Variants in PDZD2 observed in about 807,000 individuals in gnomAD.
PDZD2 encodes the protein PDZ domain-containing protein 2.
PDZD2 carries 90 observed loss-of-function variants against 220.7 expected under a neutral mutation model. The observed-to-expected ratio is 0.41, with a 90% CI of 0.34 to 0.49. PDZD2 has a LOEUF of 0.49. Among genes scored for constraint, PDZD2 ranks in the 20% least tolerant of loss-of-function variants. PDZD2 has a pLI of 0.28. For synonymous variants in PDZD2, 1,375 were observed against 1,450.5 expected (o/e 0.95, Z 1.18); for missense variants, 3,174 against 3,608.5 (o/e 0.88, Z 3.08).
rs1438912745 is a variant in PDZD2 at position 32,098,456 on chromosome 5, T to C, written c.8040T>C (p.Ala2680=). The C allele has an allele frequency of 6.2e-7, 1 of 1,614,214 alleles. No individual in the cohort carries two copies. The highest frequency in any genetic ancestry group is 1.7e-5 in the Admixed American group (1 of 60,024). Reference sequence around the variant, plus strand: ...TGTCAGTCAACGGCGCCTCACTGGCTGGCTTAGCCCACGGGAATGTCCTGA... The same window carrying C: ...TGTCAGTCAACGGCGCCTCACTGGCCGGCTTAGCCCACGGGAATGTCCTGA... The part of the protein sequence containing the change: ...FLLSVNGASL[A]GLAHGNVLKV... The change falls in exon 23 of 25, where the codon GCT becomes GCC. Residue 2680 remains alanine (A), a synonymous_variant. Coordinates refer to ENST00000438447, the MANE Select transcript of PDZD2 (RefSeq NM_178140.4). This position sits in a 1 kb window ranked among gnomAD's most constrained non-coding sequence, Gnocchi z 4.1.
At chr5:31,663,941 A>G (rs1331398463) in intron 1 of PDZD2, among the ~76,000 whole-genome samples, 1 of 152,108 alleles carries the variant, frequency 6.6e-6, no homozygotes, top group Non-Finnish European at 1.5e-5. Flanking sequence ...ATGGCAAAGT[A>G]AGAAGATTAC....
At chr5:32,027,016 C>A (rs542341321) in intron 6 of PDZD2, among the ~76,000 whole-genome samples, 14 of 152,218 alleles carry the variant, frequency 9.2e-5, no homozygotes, top group Non-Finnish European at 2.1e-4. Context: ...AATTCTCCTG[C>A]CTCAGCCTCC....
chr5:32,000,153 C>T lies in PDZD2; in HGVS notation c.1136C>T (p.Ser379Phe). Reference sequence around the variant, plus strand: ...CCTTTCCTCAGGGATGGCAGGCTGTCCTTAGGAGATGAGCTGCTGGTAATC... The same window carrying T: ...CCTTTCCTCAGGGATGGCAGGCTGTTCTTAGGAGATGAGCTGCTGGTAATC... ...GGAAHRDGRL[S>F]LGDELLVING... Residue 379 changes from serine to phenylalanine, a missense_variant, in exon 5 of 25, where the codon TCC becomes TTC. Transcript: ENST00000438447. The surrounding 1 kb of genome is among the most constrained non-coding windows in gnomAD (Gnocchi z 4.5). 6.2e-7 allele frequency: 1 copy of T among 1,614,058 alleles called. No individual in the cohort carries two copies. Among genetic ancestry groups the T allele is most frequent in the South Asian group, 1.1e-5 (1 of 91,074 alleles).
Position 31,958,697 on chromosome 5 carries a change from TGCA to T in PDZD2, c.477-24455_477-24453del, listed in dbSNP as rs1561190852. ...GAGCAGTGGTGCAATCACAGCTCAC[TGCA>T]GCCTCGACCTCCTAGGCTCAAGCAA... On this transcript the variant is annotated intron_variant, in intron 2 of 24. Transcript: ENST00000438447. 2.6e-5 allele frequency among the ~76,000 whole-genome samples: 4 copies of T among 152,266 alleles called. No homozygotes were observed. The South Asian group carries it at 8.3e-4, about 32-fold the overall frequency.
intron 3 of PDZD2, among the ~76,000 whole-genome samples, chr5:31,993,116 G>A (rs2052852): frequency 2.0e-5 from 3 of 151,946 alleles, no homozygotes; most frequent in South Asian, 2.1e-4. Flanking sequence ...GAGAGACTTC[G>A]AAGGCCAGGG....
intron 1 of PDZD2, among the ~76,000 whole-genome samples, chr5:31,734,700 T>G (rs943987737): frequency 2.6e-5 from 4 of 152,090 alleles, no homozygotes; most frequent in African/African-American, 9.7e-5. Context: ...AACTCCAGCT[T>G]CAGCCCCTCT....
intron 1 of PDZD2, among the ~76,000 whole-genome samples, chr5:31,669,537 G>A (rs559808098): frequency 2.7e-4 from 41 of 152,102 alleles, no homozygotes; most frequent in Non-Finnish European, 4.4e-4. Context: ...TTTCCTGGGA[G>A]TTATTTCATC....
chr5:31,826,256 T>A (rs1287079081), intron 2 of PDZD2, among the ~76,000 whole-genome samples: 2 of 152,138 alleles, frequency 1.3e-5, no homozygotes, highest in Non-Finnish European at 2.9e-5. Flanking sequence ...GAAGTTTTTG[T>A]TCTCTACCTT....
intron 2 of PDZD2, among the ~76,000 whole-genome samples, chr5:31,926,609 C>T (rs1276962625): frequency 2.0e-5 from 3 of 149,404 alleles, no homozygotes; most frequent in South Asian, 2.1e-4. Context: ...AATGCTTATA[C>T]ACTGTTGGTG....
intron 2 of PDZD2, among the ~76,000 whole-genome samples, chr5:31,825,277 T>C (rs1756143014): frequency 1.3e-5 from 2 of 152,078 alleles, no homozygotes; most frequent in Non-Finnish European, 2.9e-5. Context: ...CGTACTACAG[T>C]TACAGAATGG....
At chr5:32,106,600 A>G (rs1744785978) in intron 24 of PDZD2, 1 of 152,244 alleles carries the variant, frequency 6.6e-6, no homozygotes, top group Admixed American at 6.5e-5. Flanking sequence ...CACAGATTTG[A>G]GACCAAACCC....
In PDZD2 at chr5:32,061,015, A is replaced by G. The variant is rs1348533285; in HGVS notation, c.2332A>G (p.Ile778Val). The change falls in exon 14 of 25, where the codon ATC (isoleucine) becomes GTC (valine). Residue 778 changes from isoleucine to valine, a missense_variant. By Grantham distance (29) the Ile-to-Val change is conservative. Transcript: ENST00000438447. ...MESNLSRGDQILEVNSVNVRH... is the reference protein window; with the variant it reads ...MESNLSRGDQVLEVNSVNVRH... ...TGCCCTCCCTAGCCGCGGGGATCAAATCCTGGAAGTGAACTCCGTCAACGT... is the reference window on the plus strand; with the variant it reads ...TGCCCTCCCTAGCCGCGGGGATCAAGTCCTGGAAGTGAACTCCGTCAACGT... 6.2e-7 allele frequency: 1 copy of G among 1,614,194 alleles called. No homozygotes were observed. The highest frequency in any genetic ancestry group is 8.5e-7 in the Non-Finnish European group (1 of 1,180,034).
intron 3 of PDZD2, 57 bp downstream of exon 3, chr5:31,983,713 T>C (rs1750493283): frequency 1.3e-6 from 2 of 1,528,874 alleles, no homozygotes; most frequent in Admixed American, 1.8e-5. Context: ...TGTTTGTTTG[T>C]TTTTGCAGCC....
At chr5:31,964,497 G>GTT (rs922307416) in intron 2 of PDZD2, among the ~76,000 whole-genome samples, 15 of 151,954 alleles carry the variant, frequency 9.9e-5, no homozygotes, top group African/African-American at 3.6e-4. Flanking sequence ...TTTTTTTGTT[G>GTT]TTTTTTTCCC....
At chr5:31,690,007 C>T (rs1398050348) in intron 1 of PDZD2, among the ~76,000 whole-genome samples, 2 of 152,040 alleles carry the variant, frequency 1.3e-5, no homozygotes, top group African/African-American at 4.8e-5. Flanking sequence ...TTTGAAACGG[C>T]GTGTCCTGTC....
Position 31,699,729 on chromosome 5 carries a change from G to C in PDZD2, c.-361+60292G>C, listed in dbSNP as rs191687271. Among the ~76,000 whole-genome samples, 937 of 151,650 alleles carry C rather than the reference G, an allele frequency of 6.2e-3. 3 individuals are homozygous for C. Among genetic ancestry groups the C allele is most frequent in the Middle Eastern group, 0.017 (5 of 290 alleles). ...AGCAGTTCTCATGCCTCAGCCTCCT[G>C]AGTAGCTGGGATTCCAGGCATACTA... On this transcript the variant is annotated intron_variant, in intron 1 of 24. Coordinates refer to ENST00000438447, the MANE Select transcript of PDZD2 (RefSeq NM_178140.4).
chr5:32,015,026 C>T (rs1224501705), intron 6 of PDZD2, among the ~76,000 whole-genome samples: 1 of 150,264 alleles, frequency 6.7e-6, no homozygotes, highest in Non-Finnish European at 1.5e-5. Flanking sequence ...ACTGCAACCT[C>T]CGCCTCCTGG....
At chr5:32,038,085 G>A (rs1056083768) in intron 7 of PDZD2, among the ~76,000 whole-genome samples, 3 of 143,274 alleles carry the variant, frequency 2.1e-5, no homozygotes, top group South Asian at 2.3e-4. Flanking sequence ...CTTGTGATCC[G>A]CCCGCCTCAG....
chr5:31,773,423 G>A (rs1009418174), intron 1 of PDZD2, among the ~76,000 whole-genome samples: 22 of 151,454 alleles, frequency 1.5e-4, no homozygotes, highest in African/African-American at 4.6e-4. Context: ...TGGAACACTT[G>A]AGGTCAGGAG....
Sources: allele counts gnomAD v4.1 joint callset (sites outside exome capture counted in the v4.1 genomes callset), GRCh38; gene constraint gnomAD v4.1.1; non-coding constraint Gnocchi (gnomAD v3.1); transcripts MANE v1.5; gene names NCBI Gene and HGNC (gene_info 2026-07-23, HGNC 2026-07-21).